KIAA1549L: variants seen among roughly 807,000 people sequenced by gnomAD.
KIAA1549L encodes the protein KIAA1549 like, also known as UPF0606 protein KIAA1549L.
In KIAA1549L, 88 loss-of-function variants were observed where a neutral mutation model predicts 160.7. The observed-to-expected ratio is 0.55, with a 90% confidence interval of 0.46 to 0.65. The LOEUF is 0.65. Ranked by LOEUF, KIAA1549L falls within the 30% of genes least tolerant of loss-of-function variation. The probability of loss-of-function intolerance (pLI) is 0.00; values close to 1 mark genes in which losing one functional copy is unlikely to be tolerated. For missense variants in KIAA1549L, 2,258 were observed against 2,437.5 expected, an observed-to-expected ratio of 0.93 and a Z score of 1.55; for synonymous variants, 950 against 976.7, an observed-to-expected ratio of 0.97 and a Z score of 0.51.
At chr11:33,597,739 C>T (rs1480311303) in intron 12 of KIAA1549L, among the ~76,000 whole-genome samples, 1 of 152,138 alleles carries the variant, frequency 6.6e-6, no homozygotes, top group African/African-American at 2.4e-5. Context: ...GGAAAGAAGG[C>T]TCTGTGACTT....
In KIAA1549L at chr11:33,530,430, AAAAAAAATATATATATATATAT is replaced by A. The variant is rs1185839569; in HGVS notation, c.239-11370_239-11349del. ...AAGAAGAAGGAAAAAAAAAAAAAAA[AAAAAAAATATATATATATATAT>A]ATATATATATATATATATATATATA... is the stretch of plus-strand genomic sequence containing the variant. On this transcript the variant is annotated intron_variant, in intron 1 of 20. Coordinates refer to ENST00000658780, the MANE Select transcript of KIAA1549L (RefSeq NM_012194.3). Among the ~76,000 whole-genome samples, 54 of 14,394 alleles carry A rather than the reference AAAAAAAATATATATATATATAT, an allele frequency of 3.8e-3. 4 individuals are homozygous for A. Among genetic ancestry groups the A allele is most frequent in the African/African-American group, 9.3e-3 (47 of 5,044 alleles). The allele number at this position is 14,394 out of a possible 152,430, so 9.4% of individuals were successfully genotyped here. A position where few individuals can be genotyped will look rare whatever the true frequency, so the allele number is the denominator to read the frequency against.
intron 1 of KIAA1549L, among the ~76,000 whole-genome samples, chr11:33,474,547 G>A (rs1215263648): frequency 6.6e-6 from 1 of 152,216 alleles, no homozygotes; most frequent in East Asian, 1.9e-4. Flanking sequence ...GAGAGAAAGA[G>A]CACCCACTTT....
chr11:33,602,081 A>G (rs1327364711), intron 13 of KIAA1549L, among the ~76,000 whole-genome samples: 3 of 152,228 alleles, frequency 2.0e-5, no homozygotes, highest in Admixed American at 6.5e-5. Context: ...ATATCTTTGC[A>G]TCTTAAGTCA....
intron 1 of KIAA1549L, chr11:33,403,532 A>ACG: frequency 7.0e-6 from 1 of 142,544 alleles, no homozygotes; most frequent in African/African-American, 3.1e-5. Flanking sequence ...ACGCAGACAC[A>ACG]CACACGCACA....
rs760159365 is a variant in KIAA1549L, at chr11:33,542,440, C to T, written c.877C>T (p.Pro293Ser). 5 of 1,600,120 alleles carry T rather than the reference C, an allele frequency of 3.1e-6. No homozygotes were observed. The South Asian group carries it at 5.7e-5, about 18-fold the overall frequency. ...TCAGAACATAGCTAATCCCTTAATC[C>T]CATTTTCTGATGAAATGGACCACAC... is the stretch of plus-strand genomic sequence containing the variant. Reference protein sequence around the residue: ...LGQNIANPLIPFSDEMDHTAS... With the variant: ...LGQNIANPLISFSDEMDHTAS... The change falls in exon 2 of 21, where the codon CCA becomes TCA. Residue 293 changes from proline (P) to serine (S), a missense_variant. Physicochemically the swap from Pro to Ser is moderately conservative, Grantham distance 74 (BLOSUM62 -1). Transcript: ENST00000658780.
At chr11:33,589,676 C>A (rs1021181836) in intron 11 of KIAA1549L, among the ~76,000 whole-genome samples, 2 of 151,984 alleles carry the variant, frequency 1.3e-5, no homozygotes, top group Non-Finnish European at 2.9e-5. Context: ...AAACCAAGCA[C>A]CGCATGTTCT....
chr11:33,468,677 C>T (rs1852112058), intron 1 of KIAA1549L, among the ~76,000 whole-genome samples: 1 of 152,170 alleles, frequency 6.6e-6, no homozygotes, highest in Admixed American at 6.5e-5. Context: ...GAAGATTAAA[C>T]TTAGTGAATG....
In KIAA1549L at chr11:33,430,009, C is replaced by CTCTT. The variant is rs1554976179; in HGVS notation, c.238+53120_238+53121insTCTT. Among the ~76,000 whole-genome samples, 463 of 93,390 alleles carry CTCTT rather than the reference C, an allele frequency of 5.0e-3. 1 individual carries two copies. The highest frequency in any genetic ancestry group is 6.4e-3 in the Non-Finnish European group (298 of 46,332). The allele number at this position is 93,390 out of a possible 152,430, so 61.3% of individuals were successfully genotyped here. ...TCATGTGGCAGCTCTGCTCTGCCCTCCCTTCCTTCCTTCCTTCCTTCCTTC... is the reference window on the plus strand; with the variant it reads ...TCATGTGGCAGCTCTGCTCTGCCCTCTCTTCCTTCCTTCCTTCCTTCCTTCCTTC... On this transcript the variant is annotated intron_variant, in intron 1 of 20. Transcript: ENST00000658780.
intron 6 of KIAA1549L, among the ~76,000 whole-genome samples, chr11:33,557,756 G>A (rs368387332): frequency 1.3e-5 from 2 of 152,202 alleles, no homozygotes; most frequent in Admixed American, 6.5e-5. Flanking sequence ...GACTGGTGGC[G>A]TGTGCCTGTA....
At chr11:33,589,135 A>G (rs1490086667) in intron 11 of KIAA1549L, among the ~76,000 whole-genome samples, 1 of 152,248 alleles carries the variant, frequency 6.6e-6, no homozygotes. Context: ...GAAGACATTT[A>G]TGCAGCCAAA....
intron 16 of KIAA1549L, among the ~76,000 whole-genome samples, chr11:33,635,693 T>G (rs1441573096): frequency 3.3e-5 from 1 of 30,202 alleles, no homozygotes; most frequent in African/African-American, 9.9e-5. Flanking sequence ...TTTCATTCAT[T>G]TTAGACAAAA....
intron 7 of KIAA1549L, among the ~76,000 whole-genome samples, chr11:33,560,750 A>C (rs1299902277): frequency 6.6e-6 from 1 of 152,176 alleles, no homozygotes; most frequent in Non-Finnish European, 1.5e-5. Flanking sequence ...ATTGTCTCAT[A>C]ATTTCCTTCT....
At chr11:33,431,846 G>A (rs1230355557) in intron 1 of KIAA1549L, among the ~76,000 whole-genome samples, 1 of 152,236 alleles carries the variant, frequency 6.6e-6, no homozygotes, top group Non-Finnish European at 1.5e-5. Flanking sequence ...GGGAGGCCGG[G>A]GAAGGCTCAG....
chr11:33,591,608 C>G (rs1450456586), intron 12 of KIAA1549L, among the ~76,000 whole-genome samples, 187 bp downstream of exon 12: 2 of 152,222 alleles, frequency 1.3e-5, no homozygotes, highest in African/African-American at 4.8e-5. Flanking sequence ...CTGGGCTACG[C>G]TTTGTAAGGT....
chr11:33,538,132 G>T (rs1853934098), intron 1 of KIAA1549L, among the ~76,000 whole-genome samples: 1 of 152,220 alleles, frequency 6.6e-6, no homozygotes, highest in South Asian at 2.1e-4. Context: ...GGAAGGTAAA[G>T]TGCTGAGTGA....
intron 1 of KIAA1549L, among the ~76,000 whole-genome samples, chr11:33,500,721 G>A (rs1399608036): frequency 3.3e-5 from 5 of 152,050 alleles, no homozygotes; most frequent in African/African-American, 1.2e-4. Context: ...CAATCACCCT[G>A]ATTTGATCAC....
intron 16 of KIAA1549L, among the ~76,000 whole-genome samples, chr11:33,630,768 A>AC (rs758702933): frequency 1.3e-5 from 2 of 152,154 alleles, no homozygotes; most frequent in Admixed American, 1.3e-4. Context: ...GGAGCTGTAG[A>AC]CCGGAGCTGT....
chr11:33,658,547 C>T (rs1852147566), intron 18 of KIAA1549L, among the ~76,000 whole-genome samples: 1 of 152,202 alleles, frequency 6.6e-6, no homozygotes, highest in African/African-American at 2.4e-5. Context: ...GCCACCATGA[C>T]AGCTGCTACA....
chr11:33,496,574 C>T (rs1852825438), intron 1 of KIAA1549L, among the ~76,000 whole-genome samples: 1 of 152,124 alleles, frequency 6.6e-6, no homozygotes, highest in African/African-American at 2.4e-5. Context: ...TTTCCACTAC[C>T]ACTCTTCATG....
Sources: allele counts gnomAD v4.1 joint callset (sites outside exome capture counted in the v4.1 genomes callset), GRCh38; gene constraint gnomAD v4.1.1; transcripts MANE v1.5; gene names NCBI Gene and HGNC (gene_info 2026-07-23, HGNC 2026-07-21).